The following AUTS2 variants were observed in gnomAD, a reference collection of about 807,000 sequenced individuals.
The protein encoded by AUTS2 is autism susceptibility gene 2 protein.
A neutral mutation model predicts 112.4 loss-of-function variants in AUTS2; 17 were observed. The observed-to-expected ratio is 0.15, with a 90% CI of 0.10 to 0.23. AUTS2 has a LOEUF of 0.23. AUTS2 is among the 10% of genes least tolerant of loss of function. The pLI, the probability that AUTS2 is intolerant of heterozygous loss-of-function variation, is 1.00. For synonymous variants in AUTS2, 751 were observed against 702.7 expected, an observed-to-expected ratio of 1.07 and a Z score of -1.09; for missense variants, 1,510 against 1,701.6, an observed-to-expected ratio of 0.89 and a Z score of 1.98.
At chr7:69,758,965 A>G (rs1451862385) in intron 1 of AUTS2, among the ~76,000 whole-genome samples, 4 of 152,218 alleles carry the variant, frequency 2.6e-5, no homozygotes, top group Admixed American at 1.3e-4. Context: ...TTAGACAAAA[A>G]ATAAATAAAT....
At chr7:70,486,564 C>A (rs114320321) in intron 5 of AUTS2, among the ~76,000 whole-genome samples, 1 of 151,872 alleles carries the variant, frequency 6.6e-6, no homozygotes. Context: ...GGCAAAAGCC[C>A]GTCTCTACTA....
chr7:69,808,745 T>C (rs1436281041), intron 1 of AUTS2, among the ~76,000 whole-genome samples: 1 of 152,126 alleles, frequency 6.6e-6, no homozygotes, highest in Non-Finnish European at 1.5e-5. Context: ...ATGAAGTATA[T>C]GTCTGGGCAG....
intron 1 of AUTS2, among the ~76,000 whole-genome samples, chr7:69,806,909 G>A (rs151083650): frequency 2.0e-4 from 30 of 152,146 alleles, no homozygotes; most frequent in African/African-American, 5.8e-4. Context: ...AGATTTGGTC[G>A]CGGGAAAAGA....
At chr7:69,776,078 T>G (rs1788881213) in intron 1 of AUTS2, among the ~76,000 whole-genome samples, 1 of 152,086 alleles carries the variant, frequency 6.6e-6, no homozygotes, top group Admixed American at 6.5e-5. Context: ...TTTCTATTGG[T>G]TGTTTTTGCA....
At chr7:69,715,241 A>AT (rs1338872419) in intron 1 of AUTS2, among the ~76,000 whole-genome samples, 6 of 151,584 alleles carry the variant, frequency 4.0e-5, no homozygotes, top group African/African-American at 1.5e-4. Flanking sequence ...AAAAAAAAAA[A>AT]AAAAAGGAAA....
intron 2 of AUTS2, among the ~76,000 whole-genome samples, chr7:70,063,126 G>A (rs1268566159): frequency 6.6e-6 from 1 of 152,142 alleles, no homozygotes; most frequent in Non-Finnish European, 1.5e-5. Flanking sequence ...TGTGATGGAT[G>A]CTGGCAGTCA....
rs543288080 is a variant in AUTS2 at position 70,298,030 on chromosome 7, T to G, written c.661-137722T>G. On this transcript the variant is annotated intron_variant, in intron 4 of 18. Coordinates refer to ENST00000342771, the MANE Select transcript of AUTS2 (RefSeq NM_015570.4). Reference sequence around the variant, plus strand: ...GCCTCTTTTTTTGGTTTTTTTTGGGTTTTTTTTGTTTTGTTTTTTGAGACG... The same window carrying G: ...GCCTCTTTTTTTGGTTTTTTTTGGGGTTTTTTTGTTTTGTTTTTTGAGACG... Among the ~76,000 whole-genome samples the G allele has an allele frequency of 5.3e-4, 81 of 151,512 alleles. 1 individual carries two copies. The highest frequency in any genetic ancestry group is 1.5e-3 in the African/African-American group (60 of 41,340).
intron 1 of AUTS2, among the ~76,000 whole-genome samples, chr7:69,675,588 C>T (rs1380818018): frequency 6.8e-6 from 1 of 147,712 alleles, no homozygotes; most frequent in African/African-American, 2.5e-5. Flanking sequence ...ATCTCTGCAA[C>T]CTCTGCCTCC....
At chr7:70,308,027 A>G (rs183904469) in intron 4 of AUTS2, among the ~76,000 whole-genome samples, 3 of 152,336 alleles carry the variant, frequency 2.0e-5, no homozygotes, top group South Asian at 2.1e-4. Context: ...GCTTTGGTAT[A>G]GAAGTTTTGA....
At chr7:70,726,096 G>A (rs1486002077) in intron 6 of AUTS2, among the ~76,000 whole-genome samples, 1 of 151,898 alleles carries the variant, frequency 6.6e-6, no homozygotes, top group Non-Finnish European at 1.5e-5. Flanking sequence ...TTAGGGGTCA[G>A]GATTTACTAT....
chr7:70,149,376 A>G (rs1208538407), intron 4 of AUTS2, among the ~76,000 whole-genome samples: 2 of 152,080 alleles, frequency 1.3e-5, no homozygotes, highest in Admixed American at 1.3e-4. Flanking sequence ...AAATGGCAGC[A>G]TACACATAAT....
chr7:69,917,960 A>G (rs1795657158), intron 2 of AUTS2, among the ~76,000 whole-genome samples: 1 of 152,018 alleles, frequency 6.6e-6, no homozygotes, highest in Admixed American at 6.5e-5. Flanking sequence ...CTTCTGCCTC[A>G]GCCTCCCTAG....
intron 5 of AUTS2, among the ~76,000 whole-genome samples, chr7:70,509,629 A>C (rs550784786): frequency 6.6e-6 from 1 of 152,062 alleles, no homozygotes; most frequent in South Asian, 2.1e-4. Flanking sequence ...TGATGAATGA[A>C]CCCCAGGTAT....
Position 69,611,406 on chromosome 7 carries a change from G to T in AUTS2, c.309+11444G>T, listed in dbSNP as rs186869530. On this transcript the variant is annotated intron_variant, in intron 1 of 18. Coordinates refer to ENST00000342771, the MANE Select transcript of AUTS2 (RefSeq NM_015570.4). Reference sequence around the variant, plus strand: ...TCACACCTGAATGTTGAGACCTGCTGTGTTAGACACTTGTGTTGTTTTAAA... The same window carrying T: ...TCACACCTGAATGTTGAGACCTGCTTTGTTAGACACTTGTGTTGTTTTAAA... 1.1e-3 allele frequency among the ~76,000 whole-genome samples: 170 copies of T among 152,318 alleles called. 2 individuals are homozygous for T. Among genetic ancestry groups the T allele is most frequent in the Non-Finnish European group, 3.2e-4 (22 of 68,026 alleles).
intron 2 of AUTS2, among the ~76,000 whole-genome samples, chr7:69,919,804 C>T (rs910697413): frequency 3.3e-5 from 5 of 152,064 alleles, no homozygotes; most frequent in African/African-American, 1.2e-4. Flanking sequence ...TAGGAACTAC[C>T]TGGACTTTGA....
At chr7:70,489,256 A>G (rs1267688948) in intron 5 of AUTS2, among the ~76,000 whole-genome samples, 3 of 152,276 alleles carry the variant, frequency 2.0e-5, no homozygotes, top group African/African-American at 4.8e-5. Flanking sequence ...GCAGTCATAG[A>G]AAAGGAACAA....
At chr7:70,503,363 A>ATGTGTGCC (rs1250450355) in intron 5 of AUTS2, among the ~76,000 whole-genome samples, 1 of 151,992 alleles carries the variant, frequency 6.6e-6, no homozygotes, top group African/African-American at 2.4e-5. Flanking sequence ...GTAAACTGTG[A>ATGTGTGCC]TGTGTGCCTG....
chr7:70,287,198 T>A (rs1207100775), intron 4 of AUTS2, among the ~76,000 whole-genome samples: 1 of 152,194 alleles, frequency 6.6e-6, no homozygotes, highest in Non-Finnish European at 1.5e-5. Context: ...GTGAGTTTCA[T>A]GGACAGGGTC....
chr7:69,893,129 T>C (rs1794597421), intron 1 of AUTS2, among the ~76,000 whole-genome samples: 1 of 152,238 alleles, frequency 6.6e-6, no homozygotes, highest in Non-Finnish European at 1.5e-5. Flanking sequence ...GCAATGTGTA[T>C]GCACATAGTA....
Sources: allele counts gnomAD v4.1 joint callset (sites outside exome capture counted in the v4.1 genomes callset), GRCh38; gene constraint gnomAD v4.1.1; transcripts MANE v1.5; gene names NCBI Gene and HGNC (gene_info 2026-07-23, HGNC 2026-07-21).